CA4: variants seen among roughly 807,000 people sequenced by gnomAD.
The protein encoded by CA4 is CA-IV.
A neutral mutation model predicts 34.5 loss-of-function variants in CA4; 24 were observed. That is an observed-to-expected ratio of 0.70 (90% confidence interval 0.50 to 0.98). CA4 has a LOEUF of 0.98. Among genes scored for constraint, CA4 ranks in the 50% least tolerant of loss-of-function variants. The probability of loss-of-function intolerance (pLI) is 0.00; values close to 1 mark genes in which losing one functional copy is unlikely to be tolerated. For synonymous variants in CA4, 178 were observed against 170.6 expected, an observed-to-expected ratio of 1.04 and a Z score of -0.34; for missense variants, 394 against 396.7, an observed-to-expected ratio of 0.99 and a Z score of 0.06.
intron 1 of CA4, 89 bp downstream of exon 1, chr17:60,150,181 C>G (rs1473548228): frequency 8.7e-7 from 1 of 1,152,108 alleles, no homozygotes; most frequent in East Asian, 2.6e-5. Context: ...CCCCCGCGGG[C>G]GACCGGTGAG....
chr17:60,170,022 C>T (rs1247563861), intron 5 of CA4, among the ~76,000 whole-genome samples: 5 of 152,286 alleles, frequency 3.3e-5, no homozygotes, highest in South Asian at 4.1e-4. Flanking sequence ...TGCTCTGGAA[C>T]GCTGCAGAGT....
intron 5 of CA4, among the ~76,000 whole-genome samples, chr17:60,165,453 G>A (rs2083845616): frequency 6.6e-6 from 1 of 152,206 alleles, no homozygotes; most frequent in South Asian, 2.1e-4. Context: ...TTAGGGGGTA[G>A]CAGGTGCAGA....
intron 1 of CA4, 138 bp downstream of exon 1, chr17:60,150,230 G>A (rs2083565445): frequency 8.8e-6 from 6 of 680,162 alleles, no homozygotes; most frequent in Non-Finnish European, 9.7e-6. Context: ...GTGTGCGCCG[G>A]GGGCCGCGAG....
chr17:60,154,476 G>T (rs904513656), intron 1 of CA4, among the ~76,000 whole-genome samples: 1 of 152,168 alleles, frequency 6.6e-6, no homozygotes, highest in Admixed American at 6.5e-5. Flanking sequence ...TGTTGTGTTC[G>T]CCCTGCTGGT....
At chr17:60,171,610 C>CT (rs1397238758), downstream of CA4, among the ~76,000 whole-genome samples, 1 of 152,232 alleles carries the variant, frequency 6.6e-6, no homozygotes, top group African/African-American at 2.4e-5. Flanking sequence ...TACTGGAGCA[C>CT]TGTGTGCTTG....
At chr17:60,167,492 G>A (rs574595349) in intron 5 of CA4, among the ~76,000 whole-genome samples, 1 of 152,354 alleles carries the variant, frequency 6.6e-6, no homozygotes, top group African/African-American at 2.4e-5. Flanking sequence ...GCCAAGGCTG[G>A]CCACAGAGAG....
In CA4 at chr17:60,158,193, G is replaced by T. The variant is rs545573237; in HGVS notation, c.580+66G>T. ...GGATTCCTCCCACAAAGGAAGGGGT[G>T]GGTGTGCGGGGAGCTGGGCTCTCAG... On this transcript the variant is annotated intron_variant, in intron 6 of 7. Coordinates refer to ENST00000300900, the MANE Select transcript of CA4 (RefSeq NM_000717.5). The T allele has an allele frequency of 3.3e-4, 522 of 1,605,100 alleles. 2 individuals carry two copies. Among genetic ancestry groups the T allele is most frequent in the South Asian group, 3.0e-3 (276 of 90,892 alleles).
At chr17:60,159,607 C>A, downstream of CA4, 1 of 685,164 alleles carries the variant, frequency 1.5e-6, no homozygotes, top group Non-Finnish European at 2.5e-6. Context: ...CTCCACCCAC[C>A]CCTGTTCCTC....
chr17:60,150,171 C>T lies in CA4; in HGVS notation c.58+79C>T, dbSNP rs1053613479. On this transcript the variant is annotated intron_variant, in intron 1 of 7. Coordinates refer to ENST00000300900, the MANE Select transcript of CA4 (RefSeq NM_000717.5). The stretch of plus-strand genomic sequence containing the variant: ...CCAGCTCCCGCCCCTGCAGAGGATC[C>T]CCCCGCGGGCGACCGGTGAGCGTCG... 6 of 1,217,410 alleles carry T rather than the reference C, an allele frequency of 4.9e-6. No homozygotes were observed. The African/African-American group carries it at 7.6e-5, about 15-fold the overall frequency. 75.4% of individuals were successfully genotyped at this position (1,217,410 alleles called of 1,614,324 possible).
rs1157319262 is a variant in CA4, at chr17:60,157,872, G to A, written c.513+84G>A. 5 of 1,511,658 alleles carry A rather than the reference G, an allele frequency of 3.3e-6. No homozygotes were observed. In the East Asian group the frequency reaches 1.2e-4, roughly 35 times the overall value. The allele number at this position is 1,511,658 out of a possible 1,614,324, so 93.6% of individuals were successfully genotyped here. On this transcript the variant is annotated intron_variant, in intron 5 of 7. Transcript: ENST00000300900. ...TTCAGAGACCTGGGACTCCAGCGAG[G>A]CAGGAGGGGGCGGGGAGACTCCAAC...
chr17:60,170,359 A>G (rs1395046198), intron 5 of CA4, among the ~76,000 whole-genome samples: 3 of 152,176 alleles, frequency 2.0e-5, no homozygotes, highest in African/African-American at 7.2e-5. Context: ...CAACAATAGC[A>G]TATTGGACTC....
downstream of CA4, among the ~76,000 whole-genome samples, chr17:60,174,005 CATAACATTATTGTTAT>C (rs1235668996): frequency 6.6e-6 from 1 of 152,128 alleles, no homozygotes; most frequent in Non-Finnish European, 1.5e-5. Context: ...TGAACTTGAA[CATAACATTATTGTTAT>C]ATTATGCCTG....
chr17:60,171,610 CTGTG>C (rs2145313797), downstream of CA4, among the ~76,000 whole-genome samples: 1 of 152,350 alleles, frequency 6.6e-6, no homozygotes, highest in South Asian at 2.1e-4. Flanking sequence ...TACTGGAGCA[CTGTG>C]TGCTTGGCTT....
downstream of CA4, among the ~76,000 whole-genome samples, chr17:60,175,209 T>TTTTTTTTTTTTTTTTTTC (rs899881872): frequency 6.7e-6 from 1 of 149,930 alleles, no homozygotes; most frequent in African/African-American, 2.5e-5. Flanking sequence ...TTTTTTTTTT[T>TTTTTTTTTTTTTTTTTTC]AGTAGAAATG....
intron 5 of CA4, among the ~76,000 whole-genome samples, chr17:60,167,275 C>G (rs1485360858): frequency 6.6e-6 from 1 of 152,176 alleles, no homozygotes; most frequent in Non-Finnish European, 1.5e-5. Flanking sequence ...GTCAAGGACG[C>G]TGGGATGTGT....
intron 5 of CA4, among the ~76,000 whole-genome samples, chr17:60,164,832 G>A (rs1200216732): frequency 1.3e-5 from 2 of 151,960 alleles, no homozygotes; most frequent in African/African-American, 4.8e-5. Flanking sequence ...CCAGGTTTAC[G>A]ACACAGAAGC....
At chr17:60,150,164 G>A (rs58771049) in intron 1 of CA4, 72 bp downstream of exon 1, 1 of 1,297,784 alleles carries the variant, frequency 7.7e-7, no homozygotes, top group Non-Finnish European at 1.1e-6. Flanking sequence ...CGCCCCTGCA[G>A]AGGATCCCCC....
At chr17:60,150,376 T>C (rs2083569216) in intron 1 of CA4, among the ~76,000 whole-genome samples, 1 of 151,982 alleles carries the variant, frequency 6.6e-6, no homozygotes, top group Non-Finnish European at 1.5e-5. Context: ...GAGTCCCTGA[T>C]AAGGATGCGT....
chr17:60,157,259 G>T (rs760667084), intron 3 of CA4, among the ~76,000 whole-genome samples, 168 bp from the exon 4 acceptor site: 1 of 152,210 alleles, frequency 6.6e-6, no homozygotes. Flanking sequence ...GGAAAGGTCC[G>T]GGGCTGTCCC....
Sources: allele counts gnomAD v4.1 joint callset (sites outside exome capture counted in the v4.1 genomes callset), GRCh38; gene constraint gnomAD v4.1.1; transcripts MANE v1.5; gene names NCBI Gene and HGNC (gene_info 2026-07-23, HGNC 2026-07-21).